Variants in KCND2 observed in about 807,000 individuals in gnomAD.
KCND2 encodes the protein potassium voltage-gated channel subfamily D member 2, also known as A-type voltage-gated potassium channel KCND2.
Under a neutral mutation model 54.4 loss-of-function variants are expected in KCND2, and 16 were observed. The observed-to-expected ratio is 0.29, with a 90% CI of 0.20 to 0.45. KCND2 has a LOEUF of 0.45. Ranked by LOEUF, KCND2 falls within the 20% of genes least tolerant of loss-of-function variation. The probability of loss-of-function intolerance (pLI) is 1.00; values close to 1 mark genes in which losing one functional copy is unlikely to be tolerated. For missense variants in KCND2, 486 were observed against 824.2 expected, an observed-to-expected ratio of 0.59 and a Z score of 5.02; for synonymous variants, 317 against 310.7, an observed-to-expected ratio of 1.02 and a Z score of -0.21.
chr7:120,493,737 G>A (rs1350356652), intron 1 of KCND2, among the ~76,000 whole-genome samples: 1 of 152,086 alleles, frequency 6.6e-6, no homozygotes, highest in Non-Finnish European at 1.5e-5. Flanking sequence ...CTGAAGATGT[G>A]AAATGATGCA....
intron 1 of KCND2, among the ~76,000 whole-genome samples, chr7:120,412,249 A>G (rs1801461774): frequency 6.6e-6 from 1 of 152,082 alleles, no homozygotes; most frequent in Non-Finnish European, 1.5e-5. Context: ...GAGTTATTGC[A>G]TTAATATAAG....
At chr7:120,680,125 A>G (rs1476219224) in intron 1 of KCND2, among the ~76,000 whole-genome samples, 1 of 152,132 alleles carries the variant, frequency 6.6e-6, no homozygotes, top group Non-Finnish European at 1.5e-5. Flanking sequence ...ATAAGAAACA[A>G]CAGTCACCAT....
chr7:120,309,619 T>G (rs1274975499), intron 1 of KCND2, among the ~76,000 whole-genome samples: 1 of 151,592 alleles, frequency 6.6e-6, no homozygotes, highest in Non-Finnish European at 1.5e-5. Flanking sequence ...TCTAAGTATC[T>G]CACAAATATT....
chr7:120,355,196 G>T (rs1000504641), intron 1 of KCND2, among the ~76,000 whole-genome samples: 12 of 152,112 alleles, frequency 7.9e-5, no homozygotes, highest in African/African-American at 2.9e-4. Context: ...TAATCTACTG[G>T]CATTGTAATT....
At chr7:120,375,594 T>G (rs920007488) in intron 1 of KCND2, among the ~76,000 whole-genome samples, 4 of 151,840 alleles carry the variant, frequency 2.6e-5, no homozygotes, top group Non-Finnish European at 5.9e-5. Context: ...GGGCATTATT[T>G]TTATATAGAT....
At chr7:120,307,909 C>T (rs1055715685) in intron 1 of KCND2, among the ~76,000 whole-genome samples, 18 of 151,922 alleles carry the variant, frequency 1.2e-4, no homozygotes, top group African/African-American at 3.9e-4. Flanking sequence ...TTTGTGAAGT[C>T]GTAAATAATA....
intron 1 of KCND2, among the ~76,000 whole-genome samples, chr7:120,520,629 A>G (rs1014858791): frequency 5.9e-5 from 9 of 152,160 alleles, no homozygotes; most frequent in Admixed American, 6.6e-5. Flanking sequence ...GCAAATGGAT[A>G]CACCTGAGTG....
intron 1 of KCND2, among the ~76,000 whole-genome samples, chr7:120,677,578 T>G (rs940931251): frequency 6.7e-6 from 1 of 148,190 alleles, no homozygotes; most frequent in African/African-American, 2.5e-5. Flanking sequence ...TATAGATATA[T>G]AGATATATAA....
chr7:120,520,736 C>T (rs370116679), intron 1 of KCND2, among the ~76,000 whole-genome samples: 31 of 152,186 alleles, frequency 2.0e-4, no homozygotes, highest in East Asian at 1.9e-4. Context: ...GACAGACAGA[C>T]GAGAGACACA....
At chr7:120,547,003 C>T (rs1329862322) in intron 1 of KCND2, among the ~76,000 whole-genome samples, 1 of 151,356 alleles carries the variant, frequency 6.6e-6, no homozygotes, top group East Asian at 1.9e-4. Flanking sequence ...ATTATGTTAT[C>T]AAAATCAGAA....
intron 1 of KCND2, among the ~76,000 whole-genome samples, chr7:120,291,397 T>G (rs1357310450): frequency 6.6e-6 from 1 of 151,938 alleles, no homozygotes; most frequent in African/African-American, 2.4e-5. Context: ...TTGCCATCAT[T>G]AAGATTATTA....
intron 1 of KCND2, among the ~76,000 whole-genome samples, chr7:120,510,410 G>A (rs1466948339): frequency 2.0e-5 from 3 of 152,044 alleles, no homozygotes; most frequent in Admixed American, 1.3e-4. Flanking sequence ...AATTCATGTC[G>A]CACTTTGCCT....
At chr7:120,505,073 A>G (rs1053663253) in intron 1 of KCND2, among the ~76,000 whole-genome samples, 2 of 151,850 alleles carry the variant, frequency 1.3e-5, no homozygotes, top group African/African-American at 2.4e-5. Flanking sequence ...CTCAGACAGT[A>G]TTTAAAGACA....
chr7:120,467,282 G>T (rs1405824658), intron 1 of KCND2, among the ~76,000 whole-genome samples: 2 of 152,074 alleles, frequency 1.3e-5, no homozygotes, highest in African/African-American at 4.8e-5. Flanking sequence ...GCCAAACCTT[G>T]GTTGTGATAT....
In KCND2 at chr7:120,450,960, C is replaced by T. The variant is rs77842427; in HGVS notation, c.1115+175213C>T. 4.3e-3 allele frequency among the ~76,000 whole-genome samples: 651 copies of T among 152,222 alleles called. 18 individuals are homozygous for T. In the East Asian group the frequency reaches 0.074, roughly 17 times the overall value. ...CACAAGAATCAATGGAATTTCTTTG[C>T]GCCAAAAATAAAAAACAGTCCTCTA... On this transcript the variant is annotated intron_variant, in intron 1 of 5. Coordinates refer to ENST00000331113, the MANE Select transcript of KCND2 (RefSeq NM_012281.3).
At chr7:120,557,678 A>G (rs1792181502) in intron 1 of KCND2, among the ~76,000 whole-genome samples, 1 of 152,080 alleles carries the variant, frequency 6.6e-6, no homozygotes, top group Non-Finnish European at 1.5e-5. Flanking sequence ...CATTAGATCT[A>G]TATTGTTAAT....
intron 1 of KCND2, among the ~76,000 whole-genome samples, chr7:120,391,236 AG>A (rs1801073027): frequency 6.6e-6 from 1 of 152,060 alleles, no homozygotes; most frequent in Non-Finnish European, 1.5e-5. Context: ...GTCCGTGCAA[AG>A]GACACGAACT....
chr7:120,614,320 G>T (rs1792994982), intron 1 of KCND2, among the ~76,000 whole-genome samples: 2 of 152,014 alleles, frequency 1.3e-5, no homozygotes, highest in African/African-American at 4.8e-5. Context: ...GCCTTTGTTG[G>T]AATATTTTTA....
intron 1 of KCND2, among the ~76,000 whole-genome samples, chr7:120,611,585 A>G (rs1488779050): frequency 5.9e-5 from 9 of 152,104 alleles, no homozygotes; most frequent in Admixed American, 2.6e-4. Flanking sequence ...TGTCCAGAAA[A>G]CCCTGATTGA....
Sources: gnomAD v4.1 joint callset for allele counts (sites outside exome capture counted in the v4.1 genomes callset) on GRCh38, gnomAD v4.1.1 for gene constraint, MANE v1.5 for transcripts, NCBI Gene and HGNC (gene_info 2026-07-23, HGNC 2026-07-21) for gene names.